The following COL5A2 variants were observed in gnomAD, a reference collection of about 807,000 sequenced individuals.
The protein encoded by COL5A2 is collagen alpha-2(V) chain.
Under a neutral mutation model 208.2 loss-of-function variants are expected in COL5A2, and 23 were observed. The observed-to-expected ratio is 0.11, with a 90% CI of 0.08 to 0.16. The LOEUF (loss-of-function observed/expected upper bound fraction) is 0.16. Ranked by LOEUF, COL5A2 falls within the 10% of genes least tolerant of loss-of-function variation. COL5A2 has a pLI of 1.00. For missense variants in COL5A2, 1,590 were observed against 1,956.4 expected, an observed-to-expected ratio of 0.81 and a Z score of 3.53; for synonymous variants, 625 against 628.5, an observed-to-expected ratio of 0.99 and a Z score of 0.08.
intron 1 of COL5A2, among the ~76,000 whole-genome samples, chr2:189,141,332 C>T (rs965776551): frequency 6.6e-6 from 1 of 152,134 alleles, no homozygotes; most frequent in Non-Finnish European, 1.5e-5. Context: ...CTGATAAATG[C>T]TCACGACTAT....
At chr2:189,422,537 T>C in the COL5A2 span, among the ~76,000 whole-genome samples, 1 of 152,228 alleles carries the variant, frequency 6.6e-6, no homozygotes, top group Non-Finnish European at 1.5e-5. Flanking sequence ...TTTAAACTAC[T>C]ATTTAGGTCA....
At chr2:189,393,327 A>G in the COL5A2 span, among the ~76,000 whole-genome samples, 2 of 152,256 alleles carry the variant, frequency 1.3e-5, no homozygotes, top group African/African-American at 4.8e-5. Flanking sequence ...GAAAACTAAT[A>G]ACTAAATTGG....
the COL5A2 span, among the ~76,000 whole-genome samples, chr2:189,254,403 C>T: frequency 5.8e-3 from 884 of 152,314 alleles, 1 homozygote; most frequent in Non-Finnish European, 9.8e-3. Flanking sequence ...AAACACAAGG[C>T]TGCTACGGCC....
chr2:189,262,702 T>C, the COL5A2 span, among the ~76,000 whole-genome samples: 1 of 152,112 alleles, frequency 6.6e-6, no homozygotes, highest in Non-Finnish European at 1.5e-5. Context: ...CAATATAATC[T>C]AATTAATCCC....
At chr2:189,378,917 A>G in the COL5A2 span, among the ~76,000 whole-genome samples, 1 of 152,140 alleles carries the variant, frequency 6.6e-6, no homozygotes, top group African/African-American at 2.4e-5. Context: ...TATGACTATT[A>G]TTTATTTTAT....
At chr2:189,232,166 C>A in the COL5A2 span, among the ~76,000 whole-genome samples, 1 of 151,782 alleles carries the variant, frequency 6.6e-6, no homozygotes, top group Non-Finnish European at 1.5e-5. Flanking sequence ...CTCAGACACT[C>A]TCCTTCCATT....
intron 1 of COL5A2, among the ~76,000 whole-genome samples, chr2:189,191,163 C>CCAAAAAA (rs748055610): frequency 1.4e-5 from 1 of 72,270 alleles, no homozygotes; most frequent in Non-Finnish European, 3.1e-5. Flanking sequence ...AAAAAACAAA[C>CCAAAAAA]AAACAACAAA....
the COL5A2 span, among the ~76,000 whole-genome samples, chr2:189,412,409 C>T: frequency 6.6e-6 from 1 of 152,152 alleles, no homozygotes; most frequent in Non-Finnish European, 1.5e-5. Context: ...TTAAGAAATA[C>T]TCATTCTATA....
chr2:189,422,032 G>C, the COL5A2 span, among the ~76,000 whole-genome samples: 1 of 152,086 alleles, frequency 6.6e-6, no homozygotes, highest in East Asian at 1.9e-4. Context: ...CTTACTATTG[G>C]AAGGCATTCT....
chr2:189,275,173 A>G, the COL5A2 span, among the ~76,000 whole-genome samples: 121 of 152,224 alleles, frequency 7.9e-4, no homozygotes, highest in African/African-American at 2.8e-3. Context: ...CGATTTACTT[A>G]TCTTTCTATC....
At position 189,066,405 on chromosome 2, in the gene COL5A2, C is replaced by T; in HGVS notation, c.1548G>A (p.Gly516=). Residue 516 remains glycine, a synonymous_variant, in exon 23 of 54, where the codon GGG becomes GGA. Coordinates refer to ENST00000374866, the MANE Select transcript of COL5A2 (RefSeq NM_000393.5). ...TTAAATTTACCCTTTCTCCCACTGG[C>T]CCTGGAGGACCAACTGTTCCTGGGT... ...RGDPGTVGPP[G]PVGERGAPGN... 6.2e-7 allele frequency: 1 copy of T among 1,613,910 alleles called. No homozygotes were observed. The highest frequency in any genetic ancestry group is 8.5e-7 in the Non-Finnish European group (1 of 1,179,766).
the COL5A2 span, among the ~76,000 whole-genome samples, chr2:189,239,958 A>C: frequency 2.6e-5 from 4 of 152,124 alleles, no homozygotes; most frequent in South Asian, 8.3e-4. Context: ...TCCTCCAGAA[A>C]TGGAAGATAA....
chr2:189,057,665 C>T (rs545100580), intron 33 of COL5A2, among the ~76,000 whole-genome samples: 13 of 152,216 alleles, frequency 8.5e-5, no homozygotes, highest in East Asian at 1.9e-4. Flanking sequence ...GGCAATTGAA[C>T]GCTATTTCAA....
chr2:189,255,390 C>T, the COL5A2 span, among the ~76,000 whole-genome samples: 1 of 152,104 alleles, frequency 6.6e-6, no homozygotes, highest in Non-Finnish European at 1.5e-5. Context: ...TGTACTTCTG[C>T]TTTTCTCCAT....
At position 189,042,713 on chromosome 2, in the gene COL5A2, T is replaced by C; in HGVS notation, c.3525+7A>G. The C allele has an allele frequency of 6.2e-7, 1 of 1,606,542 alleles. No individual in the cohort carries two copies. Among genetic ancestry groups the C allele is most frequent in the East Asian group, 2.2e-5 (1 of 44,846 alleles). Reference sequence around the variant, plus strand: ...ACACCTGCAACTTACTACTTTTTGTTACTTACTCTTGGGCCAAATGGTCCA... The same window carrying C: ...ACACCTGCAACTTACTACTTTTTGTCACTTACTCTTGGGCCAAATGGTCCA... On this transcript the variant is annotated splice_region_variant and intron_variant, in intron 49 of 53. Transcript: ENST00000374866.
intron 7 of COL5A2, 98 bp downstream of exon 7, chr2:189,092,212 G>T (rs1245251337): frequency 2.5e-6 from 2 of 797,154 alleles, no homozygotes; most frequent in Admixed American, 4.0e-5. Context: ...TTACAGTCAA[G>T]TGTCAATATC....
At position 189,058,340 on chromosome 2, in the gene COL5A2, A is replaced by G. The variant is rs1487397012; in HGVS notation, c.2229+89T>C. 6 of 1,044,724 alleles carry G rather than the reference A, an allele frequency of 5.7e-6. No individual in the cohort carries two copies. In the African/African-American group the frequency reaches 9.3e-5, roughly 16 times the overall value. 64.7% of individuals were successfully genotyped at this position (1,044,724 alleles called of 1,614,324 possible). A position where few individuals can be genotyped will look rare whatever the true frequency, so the allele number is the denominator to read the frequency against. ...GATATAATCAAATTATCTTTCAAAAACAAGACAAATGCATTCTCACACCAT... is the reference window on the plus strand; with the variant it reads ...GATATAATCAAATTATCTTTCAAAAGCAAGACAAATGCATTCTCACACCAT... On this transcript the variant is annotated intron_variant, in intron 33 of 53. Transcript: ENST00000374866.
rs144226814 is a variant in COL5A2 at position 189,144,287 on chromosome 2, A to G, written c.98-33838T>C. Among the ~76,000 whole-genome samples, 14 of 152,316 alleles carry G rather than the reference A, an allele frequency of 9.2e-5. No individual in the cohort carries two copies. In the East Asian group the frequency reaches 1.7e-3, roughly 19 times the overall value. ...ACACACAGTTTCAGTAAACAAGTAC[A>G]TAGTTGGGTATTTGCTTAGTTTTAC... On this transcript the variant is annotated intron_variant, in intron 1 of 53. Coordinates refer to ENST00000374866, the MANE Select transcript of COL5A2 (RefSeq NM_000393.5).
chr2:189,283,262 G>T, the COL5A2 span, among the ~76,000 whole-genome samples: 4 of 151,112 alleles, frequency 2.6e-5, no homozygotes, highest in South Asian at 6.3e-4. Flanking sequence ...AAGGAGAGAA[G>T]ATAAAGAGAA....
Sources: gnomAD v4.1 joint callset for allele counts (sites outside exome capture counted in the v4.1 genomes callset) on GRCh38, gnomAD v4.1.1 for gene constraint, MANE v1.5 for transcripts, NCBI Gene and HGNC (gene_info 2026-07-23, HGNC 2026-07-21) for gene names.